The following JAKMIP1 variants were observed in gnomAD, a reference collection of about 807,000 sequenced individuals.
The protein encoded by JAKMIP1 is janus kinase and microtubule interacting protein 1, also known as janus kinase and microtubule-interacting protein 1.
A neutral mutation model predicts 113.0 loss-of-function variants in JAKMIP1; 33 were observed. The ratio of observed to expected loss-of-function variants is 0.29; its 90% CI spans 0.22 to 0.39. The LOEUF (loss-of-function observed/expected upper bound fraction) is 0.39, where lower values mean the gene tolerates loss of function less well. JAKMIP1 is among the 10% of genes least tolerant of loss of function. The pLI is 1.00. For missense variants in JAKMIP1, 813 were observed against 1,080.5 expected (o/e 0.75, Z 3.47); for synonymous variants, 480 against 459.9 (o/e 1.04, Z -0.56).
chr4:6,045,977 G>A (rs1015619142), intron 16 of JAKMIP1, among the ~76,000 whole-genome samples: 3 of 152,246 alleles, frequency 2.0e-5, no homozygotes, highest in Non-Finnish European at 4.4e-5. Context: ...AGTGGAGCAG[G>A]GGTTAACTGG....
intron 20 of JAKMIP1, among the ~76,000 whole-genome samples, chr4:6,026,866 A>ATTTTTTTTTT (rs370379960): frequency 1.4e-5 from 2 of 140,690 alleles, no homozygotes; most frequent in Non-Finnish European, 3.1e-5. Flanking sequence ...ATTTCTTTGC[A>ATTTTTTTTTT]TTTTTTTTTT....
rs763310910 is a variant in JAKMIP1 at position 6,080,220 on chromosome 4, C to T, written c.1194G>A (p.Leu398=). 1 of 1,613,984 alleles carries T rather than the reference C, an allele frequency of 6.2e-7. No individual in the cohort carries two copies. Among genetic ancestry groups the T allele is most frequent in the Non-Finnish European group, 8.5e-7 (1 of 1,180,006 alleles). ...LTRDEQEIEF[L]RLQVLEQQHV... The stretch of plus-strand genomic sequence containing the variant: ...GCTGCTGCTCCAGCACCTGCAGCCT[C>T]AGGAACTCGATCTCCTGCTCATCCC... Residue 398 remains leucine (L), a synonymous_variant, in exon 7 of 21, where the codon CTG becomes CTA. Transcript: ENST00000409021. The surrounding 1 kb of genome is among the most constrained non-coding windows in gnomAD (Gnocchi z 6.0).
intron 3 of JAKMIP1, among the ~76,000 whole-genome samples, chr4:6,103,999 C>T (rs1398462543): frequency 6.6e-6 from 1 of 152,144 alleles, no homozygotes; most frequent in East Asian, 1.9e-4. Flanking sequence ...TCCTTCTACT[C>T]TCTGGAGTTT....
rs559279287 is a variant in JAKMIP1, at chr4:6,167,720, C to T, written c.-148+32533G>A. Among the ~76,000 whole-genome samples, 1 of 152,354 alleles carries T rather than the reference C, an allele frequency of 6.6e-6. No individual in the cohort carries two copies. The highest frequency in any genetic ancestry group is 2.4e-5 in the African/African-American group (1 of 41,588). Reference sequence around the variant, plus strand: ...CCTCCACCCCACCATGAATGTACTGCTATCCTCACTTTACAGATGTGAACT... The same window carrying T: ...CCTCCACCCCACCATGAATGTACTGTTATCCTCACTTTACAGATGTGAACT... On this transcript the variant is annotated intron_variant, in intron 1 of 20. Coordinates refer to ENST00000409021, the MANE Select transcript of JAKMIP1 (RefSeq NM_001099433.2). The surrounding 1 kb of genome is among the most constrained non-coding windows in gnomAD (Gnocchi z 5.3).
In JAKMIP1 at chr4:6,042,119, T is replaced by C. The variant is rs1405940478; in HGVS notation, c.2097+40A>G. On this transcript the variant is annotated intron_variant, in intron 17 of 20. Transcript: ENST00000409021. The surrounding 1 kb of genome is among the most constrained non-coding windows in gnomAD (Gnocchi z 5.2). ...TGCAAATCAACCTCTCTGAGCTCTTTGAACCCTCTCCCCCACCCCCAGGCA... is the reference window on the plus strand; with the variant it reads ...TGCAAATCAACCTCTCTGAGCTCTTCGAACCCTCTCCCCCACCCCCAGGCA... 2 of 1,523,152 alleles carry C rather than the reference T, an allele frequency of 1.3e-6. No individual in the cohort carries two copies. The highest frequency in any genetic ancestry group is 1.4e-5 in the African/African-American group (1 of 72,880). The allele number at this position is 1,523,152 out of a possible 1,614,324, so 94.4% of individuals were successfully genotyped here.
Position 6,085,636 on chromosome 4 carries a change from A to G in JAKMIP1, c.625-7T>C, listed in dbSNP as rs747366524. On this transcript the variant is annotated splice_polypyrimidine_tract_variant and splice_region_variant and intron_variant, in intron 3 of 20. Coordinates refer to ENST00000409021, the MANE Select transcript of JAKMIP1 (RefSeq NM_001099433.2). ...TCCCTTTGATCTCATCCATCTGAAA[A>G]GGAGAAAGAATAAGCAGTCAGCCCT... The G allele has an allele frequency of 5.0e-6, 8 of 1,613,386 alleles. No individual in the cohort carries two copies. The highest frequency in any genetic ancestry group is 1.7e-6 in the Non-Finnish European group (2 of 1,179,854).
At position 6,106,059 on chromosome 4, in the gene JAKMIP1, C is replaced by T. The variant is rs368682696; in HGVS notation, c.130-92G>A. The T allele has an allele frequency of 3.5e-6, 3 of 859,680 alleles. No homozygotes were observed. The highest frequency in any genetic ancestry group is 1.8e-6 in the Non-Finnish European group (1 of 566,226). The allele number at this position is 859,680 out of a possible 1,614,324, so 53.3% of individuals were successfully genotyped here. ...CAGCTGGGGGAGCTGGCCACAGCCTCCCCACGCCCAAGACACCCACCTGGG... is the reference window on the plus strand; with the variant it reads ...CAGCTGGGGGAGCTGGCCACAGCCTTCCCACGCCCAAGACACCCACCTGGG... On this transcript the variant is annotated intron_variant, in intron 2 of 20. Coordinates refer to ENST00000409021, the MANE Select transcript of JAKMIP1 (RefSeq NM_001099433.2). The surrounding 1 kb of genome is among the most constrained non-coding windows in gnomAD (Gnocchi z 5.9).
At position 6,178,435 on chromosome 4, in the gene JAKMIP1, A is replaced by G. The variant is rs1725641875; in HGVS notation, c.-148+21818T>C. 6.6e-6 allele frequency among the ~76,000 whole-genome samples: 1 copy of G among 152,194 alleles called. No individual in the cohort carries two copies. Among genetic ancestry groups the G allele is most frequent in the Non-Finnish European group, 1.5e-5 (1 of 68,028 alleles). On this transcript the variant is annotated intron_variant, in intron 1 of 20. Transcript: ENST00000409021. This position sits in a 1 kb window ranked among gnomAD's most constrained non-coding sequence, Gnocchi z 5.5. Reference sequence around the variant, plus strand: ...GATAGTGAGTAAGCTCTATTTGATCAGAACTTTAAGTGGGTTCTGAATATG... The same window carrying G: ...GATAGTGAGTAAGCTCTATTTGATCGGAACTTTAAGTGGGTTCTGAATATG...
rs1298634791 is a variant in JAKMIP1, at chr4:6,178,699, C to G, written c.-148+21554G>C. 1.3e-5 allele frequency among the ~76,000 whole-genome samples: 2 copies of G among 152,200 alleles called. No homozygotes were observed. Among genetic ancestry groups the G allele is most frequent in the African/African-American group, 4.8e-5 (2 of 41,444 alleles). On this transcript the variant is annotated intron_variant, in intron 1 of 20. Coordinates refer to ENST00000409021, the MANE Select transcript of JAKMIP1 (RefSeq NM_001099433.2). The surrounding 1 kb of genome is among the most constrained non-coding windows in gnomAD (Gnocchi z 5.5). ...ACTGTGAGTCAATTAAACCTCTTTTCTTTATAAATTCCCGTCACAGGTATG... is the reference window on the plus strand; with the variant it reads ...ACTGTGAGTCAATTAAACCTCTTTTGTTTATAAATTCCCGTCACAGGTATG...
chr4:6,102,783 G>C (rs1713275303), intron 3 of JAKMIP1, among the ~76,000 whole-genome samples: 1 of 128,020 alleles, frequency 7.8e-6, no homozygotes, highest in Admixed American at 9.0e-5. Flanking sequence ...GCCCAGGCTG[G>C]AGTGCAGTGG....
intron 1 of JAKMIP1, among the ~76,000 whole-genome samples, chr4:6,164,204 T>C (rs1723299232): frequency 6.6e-6 from 1 of 152,206 alleles, no homozygotes; most frequent in African/African-American, 2.4e-5. Context: ...AGGCTGACTC[T>C]CTTGCTAGGG....
chr4:6,159,181 G>C (rs112099737), intron 1 of JAKMIP1, among the ~76,000 whole-genome samples: 4,788 of 151,972 alleles, frequency 0.032, 122 homozygotes, highest in African/African-American at 0.073. Context: ...CAAAAGACTA[G>C]CTATTTAGGA....
At chr4:6,146,281 G>A (rs1018708965) in intron 1 of JAKMIP1, among the ~76,000 whole-genome samples, 28 of 152,064 alleles carry the variant, frequency 1.8e-4, no homozygotes, top group African/African-American at 6.3e-4. Context: ...CATAGTTTCA[G>A]TTTTGCTTAA....
rs2011323482 is a variant in JAKMIP1, at chr4:6,076,961, T to C, written c.1302+1978A>G. ...GTTGGTGCTGAGAAAGTTTCAGATTTTGGAGCATTTTGGATTTCGGATTTT... is the reference window on the plus strand; with the variant it reads ...GTTGGTGCTGAGAAAGTTTCAGATTCTGGAGCATTTTGGATTTCGGATTTT... On this transcript the variant is annotated intron_variant, in intron 8 of 20. Transcript: ENST00000409021. This position sits in a 1 kb window ranked among gnomAD's most constrained non-coding sequence, Gnocchi z 4.8. Among the ~76,000 whole-genome samples the C allele has an allele frequency of 6.6e-6, 1 of 152,190 alleles. No individual in the cohort carries two copies. Among genetic ancestry groups the C allele is most frequent in the Non-Finnish European group, 1.5e-5 (1 of 68,030 alleles).
At chr4:6,118,538 A>C (rs6820853) in intron 1 of JAKMIP1, among the ~76,000 whole-genome samples, 1 of 151,898 alleles carries the variant, frequency 6.6e-6, no homozygotes, top group Non-Finnish European at 1.5e-5. Context: ...CTTGACCTAT[A>C]TGCCAGGCTC....
At chr4:6,095,577 C>T (rs1711596824) in intron 3 of JAKMIP1, among the ~76,000 whole-genome samples, 1 of 152,150 alleles carries the variant, frequency 6.6e-6, no homozygotes, top group South Asian at 2.1e-4. Context: ...TATAGCTTGT[C>T]ATAAATGCCT....
At chr4:6,048,762 G>C in intron 16 of JAKMIP1, 95 bp downstream of exon 16, 1 of 1,016,636 alleles carries the variant, frequency 9.8e-7, no homozygotes, top group Non-Finnish European at 1.5e-6. Flanking sequence ...TGGAACGCAT[G>C]CTCCCACGCA....
Position 6,065,593 on chromosome 4 carries a change from A to C in JAKMIP1, c.1303-585T>G, listed in dbSNP as rs1430277478. ...TGTGGCCCAAGTCCTGGCCAGACCC[A>C]CACTTAGAGGCAATCTCTGCTTAAC... On this transcript the variant is annotated intron_variant, in intron 8 of 20. Transcript: ENST00000409021. This position sits in a 1 kb window ranked among gnomAD's most constrained non-coding sequence, Gnocchi z 5.1. Among the ~76,000 whole-genome samples the C allele has an allele frequency of 6.6e-6, 1 of 152,226 alleles. No homozygotes were observed. Among genetic ancestry groups the C allele is most frequent in the Non-Finnish European group, 1.5e-5 (1 of 68,048 alleles).
intron 3 of JAKMIP1, among the ~76,000 whole-genome samples, chr4:6,101,986 A>G (rs947267560): frequency 1.3e-5 from 2 of 151,746 alleles, no homozygotes; most frequent in Non-Finnish European, 2.9e-5. Flanking sequence ...AAAAACTGAT[A>G]TCTATACTAA....
Sources: gnomAD v4.1 joint callset for allele counts (sites outside exome capture counted in the v4.1 genomes callset) on GRCh38, gnomAD v4.1.1 for gene constraint, Gnocchi (gnomAD v3.1) non-coding constraint, MANE v1.5 for transcripts, NCBI Gene and HGNC (gene_info 2026-07-23, HGNC 2026-07-21) for gene names.